PTGFRN: variants seen among roughly 807,000 people sequenced by gnomAD.
PTGFRN encodes prostaglandin F2 receptor inhibitor.
PTGFRN carries 35 observed loss-of-function variants against 83.2 expected under a neutral mutation model. The observed-to-expected ratio is 0.42, with a 90% CI of 0.32 to 0.56. The LOEUF (loss-of-function observed/expected upper bound fraction) is 0.56. PTGFRN is among the 20% of genes least tolerant of loss of function. The pLI, the probability that PTGFRN is intolerant of heterozygous loss-of-function variation, is 0.11. For synonymous variants in PTGFRN, 519 were observed against 498.6 expected (o/e 1.04, Z -0.55); for missense variants, 1,051 against 1,179.5 (o/e 0.89, Z 1.60).
chr1:116,911,968 G>A (rs999339499), intron 1 of PTGFRN, among the ~76,000 whole-genome samples: 3 of 152,214 alleles, frequency 2.0e-5, no homozygotes, highest in African/African-American at 7.2e-5. Flanking sequence ...ACAACTTCGG[G>A]AGCTGCTGTT....
At chr1:116,981,768 G>A (rs936622040) in intron 7 of PTGFRN, among the ~76,000 whole-genome samples, 17 of 152,232 alleles carry the variant, frequency 1.1e-4, no homozygotes, top group Non-Finnish European at 2.4e-4. Context: ...TAAGCAAATG[G>A]GCATAGCTGT....
intron 1 of PTGFRN, among the ~76,000 whole-genome samples, chr1:116,939,724 A>G (rs1000631641): frequency 1.3e-5 from 2 of 152,198 alleles, no homozygotes; most frequent in African/African-American, 4.8e-5. Context: ...TTACATTGTC[A>G]GGCAAATTTT....
At chr1:116,924,234 G>A (rs1427526287) in intron 1 of PTGFRN, among the ~76,000 whole-genome samples, 6 of 139,200 alleles carry the variant, frequency 4.3e-5, no homozygotes, top group Non-Finnish European at 6.0e-5. Context: ...TGCAACCTCC[G>A]CCTCCCAGGT....
intron 1 of PTGFRN, among the ~76,000 whole-genome samples, chr1:116,931,147 C>G (rs1223566691): frequency 6.6e-6 from 1 of 152,182 alleles, no homozygotes; most frequent in Admixed American, 6.5e-5. Context: ...GCTCAGAGGT[C>G]ATGCTCGGAG....
chr1:116,945,760 TTC>T (rs886998559), intron 3 of PTGFRN, among the ~76,000 whole-genome samples: 3 of 151,794 alleles, frequency 2.0e-5, no homozygotes, highest in African/African-American at 4.8e-5. Flanking sequence ...TTTTTTTTTT[TTC>T]AAACCCTCTA....
Position 116,910,038 on chromosome 1 carries a change from A to C in PTGFRN, c.-166A>C, listed in dbSNP as rs1649215616. The C allele has an allele frequency of 1.3e-5, 10 of 756,536 alleles. No individual in the cohort carries two copies. The highest frequency in any genetic ancestry group is 1.5e-5 in the Non-Finnish European group (7 of 454,710). 46.9% of individuals were successfully genotyped at this position (756,536 alleles called of 1,614,324 possible). On this transcript the variant is annotated 5_prime_UTR_variant, in exon 1 of 9. Transcript: ENST00000393203. ...AGGGAGCGAGCGGAGCCAGGGGCGC[A>C]CGTACGCCCCAGCGCTGGGATTTAT...
At chr1:116,980,021 G>GA (rs1286514575) in intron 7 of PTGFRN, among the ~76,000 whole-genome samples, 4 of 125,326 alleles carry the variant, frequency 3.2e-5, no homozygotes, top group Admixed American at 7.4e-5. Context: ...AAATTTACAA[G>GA]AAAAAAACAA....
intron 1 of PTGFRN, among the ~76,000 whole-genome samples, chr1:116,939,143 A>C (rs1411141719): frequency 6.6e-6 from 1 of 152,168 alleles, no homozygotes; most frequent in Admixed American, 6.5e-5. Flanking sequence ...CTGTTGGTGG[A>C]TCTACCGTTC....
At chr1:116,935,192 T>G (rs189802529) in intron 1 of PTGFRN, among the ~76,000 whole-genome samples, 3 of 152,332 alleles carry the variant, frequency 2.0e-5, no homozygotes, top group Admixed American at 2.0e-4. Flanking sequence ...CTGTTGCCTT[T>G]TTTTCGTAGG....
chr1:116,961,404 G>A lies in PTGFRN; in HGVS notation c.1375G>A (p.Val459Met). The change falls in exon 5 of 9, where the codon GTG (valine) becomes ATG (methionine). Residue 459 changes from valine to methionine, a missense_variant. By Grantham distance (21) the Val-to-Met change is conservative (BLOSUM62 1). This residue lies in a region of PTGFRN where 719 missense variants were observed against 836.6 expected (regional missense o/e 0.86). Transcript: ENST00000393203. The surrounding 1 kb of genome is among the most constrained non-coding windows in gnomAD (Gnocchi z 5.4). ...YRMNRRSDNV[V>M]TSELLAVMDG... ...GATGAACCGGCGCAGCGACAATGTG[G>A]TGACCAGCGAGCTGCTTGCAGTCAT... 1 of 1,612,910 alleles carries A rather than the reference G, an allele frequency of 6.2e-7. No homozygotes were observed. Among genetic ancestry groups the A allele is most frequent in the Non-Finnish European group, 8.5e-7 (1 of 1,179,790 alleles).
At chr1:116,972,354 T>C (rs1651027485) in intron 6 of PTGFRN, among the ~76,000 whole-genome samples, 1 of 152,242 alleles carries the variant, frequency 6.6e-6, no homozygotes, top group African/African-American at 2.4e-5. Flanking sequence ...CTCAGCAGTT[T>C]CTACCCAGAG....
At position 116,910,059 on chromosome 1, in the gene PTGFRN, T is replaced by G; in HGVS notation, c.-145T>G. On this transcript the variant is annotated 5_prime_UTR_variant, in exon 1 of 9. Coordinates refer to ENST00000393203, the MANE Select transcript of PTGFRN (RefSeq NM_020440.4). Reference sequence around the variant, plus strand: ...GCGCACGTACGCCCCAGCGCTGGGATTTATCGGCTCGCGAGGAGAGCGGAG... The same window carrying G: ...GCGCACGTACGCCCCAGCGCTGGGAGTTATCGGCTCGCGAGGAGAGCGGAG... The G allele has an allele frequency of 4.5e-6, 4 of 889,834 alleles. No individual in the cohort carries two copies. Among genetic ancestry groups the G allele is most frequent in the Non-Finnish European group, 5.3e-6 (3 of 570,684 alleles). 55.1% of individuals were successfully genotyped at this position (889,834 alleles called of 1,614,324 possible). A position where few individuals can be genotyped will look rare whatever the true frequency, so the allele number is the denominator to read the frequency against.
intron 1 of PTGFRN, among the ~76,000 whole-genome samples, chr1:116,924,652 T>A (rs1649612332): frequency 6.6e-6 from 1 of 152,224 alleles, no homozygotes; most frequent in African/African-American, 2.4e-5. Flanking sequence ...GTGTCACAGT[T>A]GCCCCAGCCA....
At chr1:116,962,698 A>G (rs1223557040) in intron 5 of PTGFRN, among the ~76,000 whole-genome samples, 1 of 152,086 alleles carries the variant, frequency 6.6e-6, no homozygotes, top group Non-Finnish European at 1.5e-5. Context: ...ACCCCTCCAC[A>G]GTCTCAATTT....
At chr1:116,968,795 CATATT>C in intron 6 of PTGFRN, among the ~76,000 whole-genome samples, 1 of 152,236 alleles carries the variant, frequency 6.6e-6, no homozygotes. Context: ...TGAATTGAAT[CATATT>C]ATATGTGGAC....
chr1:116,966,187 A>G (rs989887359), intron 5 of PTGFRN, among the ~76,000 whole-genome samples: 3 of 152,276 alleles, frequency 2.0e-5, no homozygotes, highest in East Asian at 3.8e-4. Context: ...TCTAATGTGT[A>G]CATGCATAGG....
At chr1:116,927,624 C>T (rs1649689345) in intron 1 of PTGFRN, among the ~76,000 whole-genome samples, 2 of 150,116 alleles carry the variant, frequency 1.3e-5, no homozygotes, top group South Asian at 4.2e-4. Flanking sequence ...ACCTTTGCTT[C>T]CCAGGCTCAA....
chr1:116,921,353 A>C (rs979710138), intron 1 of PTGFRN, among the ~76,000 whole-genome samples: 1 of 152,178 alleles, frequency 6.6e-6, no homozygotes, highest in Non-Finnish European at 1.5e-5. Flanking sequence ...AAACACACAC[A>C]TTTTTGGTAC....
chr1:116,961,119 C>T lies in PTGFRN; in HGVS notation c.1214-124C>T. On this transcript the variant is annotated intron_variant, in intron 4 of 8. Coordinates refer to ENST00000393203, the MANE Select transcript of PTGFRN (RefSeq NM_020440.4). The surrounding 1 kb of genome is among the most constrained non-coding windows in gnomAD (Gnocchi z 5.4). ...AATGCAACGACTGATTTCTGTCTCT[C>T]TAGTCCGGCAGGAGAAGCATTTAAT... 1.9e-6 allele frequency: 2 copies of T among 1,075,324 alleles called. No homozygotes were observed. The highest frequency in any genetic ancestry group is 2.5e-6 in the Non-Finnish European group (2 of 792,532). The allele number at this position is 1,075,324 out of a possible 1,614,324, so 66.6% of individuals were successfully genotyped here.
Sources: allele counts gnomAD v4.1 joint callset (sites outside exome capture counted in the v4.1 genomes callset), GRCh38; gene constraint gnomAD v4.1.1; regional missense constraint gnomAD v4.1.1; non-coding constraint Gnocchi (gnomAD v3.1); transcripts MANE v1.5; gene names NCBI Gene and HGNC (gene_info 2026-07-23, HGNC 2026-07-21).